The following ANKS1A variants were observed in gnomAD, a reference collection of about 807,000 sequenced individuals.
The protein encoded by ANKS1A is ankyrin repeat and sterile alpha motif domain containing 1A.
In ANKS1A, 55 loss-of-function variants were observed where a neutral mutation model predicts 120.3. The ratio of observed to expected loss-of-function variants is 0.46; its 90% CI spans 0.37 to 0.57. The LOEUF (loss-of-function observed/expected upper bound fraction) is 0.57. Ranked by LOEUF, ANKS1A falls within the 20% of genes least tolerant of loss-of-function variation. The pLI is 0.00. For synonymous variants in ANKS1A, 590 were observed against 604.7 expected (o/e 0.98, Z 0.36); for missense variants, 1,123 against 1,480.3 (o/e 0.76, Z 3.96).
intron 11 of ANKS1A, among the ~76,000 whole-genome samples, chr6:35,043,461 A>T (rs555608661): frequency 6.6e-6 from 1 of 152,346 alleles, no homozygotes; most frequent in East Asian, 1.9e-4. Flanking sequence ...AAACGCAGCC[A>T]GAGAGGGGTT....
intron 11 of ANKS1A, among the ~76,000 whole-genome samples, chr6:35,041,041 CTG>C (rs1424857634): frequency 6.6e-6 from 1 of 152,174 alleles, no homozygotes; most frequent in Non-Finnish European, 1.5e-5. Flanking sequence ...AAATGGGAAA[CTG>C]AGAGGTTTGC....
At chr6:34,990,486 C>A (rs1290699376) in intron 9 of ANKS1A, among the ~76,000 whole-genome samples, 1 of 117,090 alleles carries the variant, frequency 8.5e-6, no homozygotes, top group Non-Finnish European at 1.8e-5. Context: ...CTCATTACCC[C>A]CCTCCTTTTT....
intron 11 of ANKS1A, among the ~76,000 whole-genome samples, chr6:35,024,677 A>G (rs894644823): frequency 3.3e-5 from 5 of 152,206 alleles, no homozygotes; most frequent in Non-Finnish European, 5.9e-5. Flanking sequence ...AGTGGCAGCA[A>G]CTGGGAGGGC....
At position 35,085,460 on chromosome 6, in the gene ANKS1A, A is replaced by C. The variant is rs541093608; in HGVS notation, c.3133-306A>C. On this transcript the variant is annotated intron_variant, in intron 21 of 23. Coordinates refer to ENST00000360359, the MANE Select transcript of ANKS1A (RefSeq NM_015245.3). The surrounding 1 kb of genome is among the most constrained non-coding windows in gnomAD (Gnocchi z 4.7). ...AAAGCACTAGCACCACTTACATTAAATGGTAAGAAATACCCAAGTACTGCT... is the reference window on the plus strand; with the variant it reads ...AAAGCACTAGCACCACTTACATTAACTGGTAAGAAATACCCAAGTACTGCT... 6.6e-6 allele frequency among the ~76,000 whole-genome samples: 1 copy of C among 152,206 alleles called. No homozygotes were observed. Among genetic ancestry groups the C allele is most frequent in the Non-Finnish European group, 1.5e-5 (1 of 68,044 alleles).
At chr6:34,995,155 G>A (rs570495298) in intron 10 of ANKS1A, among the ~76,000 whole-genome samples, 111 of 152,268 alleles carry the variant, frequency 7.3e-4, no homozygotes, top group African/African-American at 2.6e-3. Context: ...TGGGGTATGC[G>A]TACCTTCTTT....
At chr6:35,014,493 C>G (rs1380035444) in intron 10 of ANKS1A, among the ~76,000 whole-genome samples, 2 of 152,116 alleles carry the variant, frequency 1.3e-5, no homozygotes, top group Non-Finnish European at 2.9e-5. Context: ...GTATTGAGCC[C>G]TTGGCATCTG....
intron 1 of ANKS1A, among the ~76,000 whole-genome samples, chr6:34,903,988 C>T (rs1309207026): frequency 6.6e-6 from 1 of 152,200 alleles, no homozygotes; most frequent in Non-Finnish European, 1.5e-5. Flanking sequence ...AGAACATTTT[C>T]TGATGGATTG....
At chr6:34,939,745 T>C (rs1423575306) in intron 1 of ANKS1A, among the ~76,000 whole-genome samples, 1 of 152,116 alleles carries the variant, frequency 6.6e-6, no homozygotes, top group African/African-American at 2.4e-5. Context: ...TTTGGGGATA[T>C]GCTAAGGAGA....
chr6:35,094,053 C>A (rs904599487), downstream of ANKS1A, among the ~76,000 whole-genome samples: 1 of 152,214 alleles, frequency 6.6e-6, no homozygotes, highest in Non-Finnish European at 1.5e-5. Flanking sequence ...AGCAGCCTCC[C>A]ACCTCAGGTG....
chr6:35,040,597 C>G (rs931101848), intron 11 of ANKS1A, among the ~76,000 whole-genome samples: 10 of 152,266 alleles, frequency 6.6e-5, no homozygotes, highest in African/African-American at 9.6e-5. Flanking sequence ...TACACACAGA[C>G]ACACATGGCC....
chr6:35,089,018 A>G lies in ANKS1A; in HGVS notation c.*409A>G. On this transcript the variant is annotated 3_prime_UTR_variant, in exon 24 of 24. Transcript: ENST00000360359. ...GAGGTTGGTTCAGAGGCCAGCCTGCATAGCCTCTGTCCTCAGGACGGAACT... is the reference window on the plus strand; with the variant it reads ...GAGGTTGGTTCAGAGGCCAGCCTGCGTAGCCTCTGTCCTCAGGACGGAACT... 8.8e-7 allele frequency: 1 copy of G among 1,138,934 alleles called. No homozygotes were observed. Among genetic ancestry groups the G allele is most frequent in the South Asian group, 2.4e-5 (1 of 42,066 alleles). The allele number at this position is 1,138,934 out of a possible 1,614,324, so 70.6% of individuals were successfully genotyped here.
chr6:35,055,983 T>C (rs1283886285), intron 12 of ANKS1A, among the ~76,000 whole-genome samples: 1 of 152,238 alleles, frequency 6.6e-6, no homozygotes, highest in African/African-American at 2.4e-5. Context: ...TGTTCAGGAC[T>C]GAGACAAACA....
intron 1 of ANKS1A, among the ~76,000 whole-genome samples, chr6:34,913,778 G>A (rs966471663): frequency 2.6e-5 from 4 of 151,744 alleles, no homozygotes; most frequent in African/African-American, 7.3e-5. Flanking sequence ...GACTATAGGC[G>A]TGCACCACCA....
chr6:35,037,501 A>T (rs966615945), intron 11 of ANKS1A, among the ~76,000 whole-genome samples: 1 of 152,206 alleles, frequency 6.6e-6, no homozygotes, highest in Non-Finnish European at 1.5e-5. Context: ...AAGGAAACCA[A>T]TAAAGGATTT....
chr6:35,040,746 G>A lies in ANKS1A; in HGVS notation c.2011-13353G>A, dbSNP rs186884308. ...GAATTTTCGAAGATGAGATTCCTAT[G>A]CCCTGGCTGACAGTGGAGCTTTGAA... is the stretch of plus-strand genomic sequence containing the variant. On this transcript the variant is annotated intron_variant, in intron 11 of 23. Transcript: ENST00000360359. Among the ~76,000 whole-genome samples the A allele has an allele frequency of 3.3e-5, 5 of 152,334 alleles. No individual in the cohort carries two copies. In the East Asian group the frequency reaches 9.6e-4, roughly 29 times the overall value.
intron 1 of ANKS1A, among the ~76,000 whole-genome samples, chr6:34,956,513 A>G (rs1261181194): frequency 6.6e-6 from 1 of 152,132 alleles, no homozygotes; most frequent in African/African-American, 2.4e-5. Flanking sequence ...TAGGCTTTAT[A>G]TTAATATTAT....
At chr6:34,988,440 CA>C (rs942887727) in intron 8 of ANKS1A, among the ~76,000 whole-genome samples, 2 of 152,040 alleles carry the variant, frequency 1.3e-5, no homozygotes, top group Non-Finnish European at 2.9e-5. Context: ...ACTAAAAATA[CA>C]AAAAATTAGC....
chr6:35,022,871 G>A (rs1490181834), intron 11 of ANKS1A, among the ~76,000 whole-genome samples: 4 of 152,162 alleles, frequency 2.6e-5, no homozygotes, highest in African/African-American at 9.7e-5. Flanking sequence ...TACCATGGCA[G>A]CATCAATAAG....
At chr6:34,958,710 G>C (rs1449601523) in intron 1 of ANKS1A, among the ~76,000 whole-genome samples, 1 of 152,152 alleles carries the variant, frequency 6.6e-6, no homozygotes, top group Non-Finnish European at 1.5e-5. Context: ...CCAGCCACTC[G>C]TAGTTACTTG....
Sources: gnomAD v4.1 joint callset for allele counts (sites outside exome capture counted in the v4.1 genomes callset) on GRCh38, gnomAD v4.1.1 for gene constraint, Gnocchi (gnomAD v3.1) non-coding constraint, MANE v1.5 for transcripts, NCBI Gene and HGNC (gene_info 2026-07-23, HGNC 2026-07-21) for gene names.